Variants in SYT9 observed in about 807,000 individuals in gnomAD.
The protein encoded by SYT9 is synaptotagmin-9.
SYT9 carries 22 observed loss-of-function variants against 48.4 expected under a neutral mutation model. That is an observed-to-expected ratio of 0.45 (90% CI 0.32 to 0.65). The LOEUF is 0.65. SYT9 is among the 30% of genes least tolerant of loss of function. SYT9 has a pLI of 0.03. For synonymous variants in SYT9, 265 were observed against 245.0 expected (o/e 1.08, Z -0.76); for missense variants, 577 against 622.0 (o/e 0.93, Z 0.77).
At chr11:7,331,530 T>C (rs1849531130) in intron 3 of SYT9, among the ~76,000 whole-genome samples, 1 of 152,002 alleles carries the variant, frequency 6.6e-6, no homozygotes, top group African/African-American at 2.4e-5. Context: ...GGCAACATGG[T>C]GAAACCCCGT....
At chr11:7,459,672 G>C (rs182685020) in intron 6 of SYT9, among the ~76,000 whole-genome samples, 1 of 152,278 alleles carries the variant, frequency 6.6e-6, no homozygotes, top group African/African-American at 2.4e-5. Context: ...TAAGGTCTTT[G>C]CAGGCATGTT....
intron 3 of SYT9, among the ~76,000 whole-genome samples, chr11:7,368,338 TAA>T (rs1202797083): frequency 2.4e-5 from 3 of 123,702 alleles, no homozygotes; most frequent in Non-Finnish European, 5.1e-5. Context: ...GACATTTGGA[TAA>T]TGGGGTTTTG....
chr11:7,353,313 A>G (rs1849952845), intron 3 of SYT9, among the ~76,000 whole-genome samples: 1 of 152,060 alleles, frequency 6.6e-6, no homozygotes, highest in Non-Finnish European at 1.5e-5. Context: ...CTTTCCTGCA[A>G]TATGGGCAGC....
chr11:7,462,909 C>T (rs1848260140), intron 6 of SYT9, among the ~76,000 whole-genome samples: 2 of 152,150 alleles, frequency 1.3e-5, no homozygotes, highest in South Asian at 2.1e-4. Context: ...TTTCAATGGC[C>T]TGTCTCATAT....
chr11:7,287,314 C>G (rs1467202427), intron 1 of SYT9, among the ~76,000 whole-genome samples: 1 of 152,118 alleles, frequency 6.6e-6, no homozygotes, highest in Non-Finnish European at 1.5e-5. Flanking sequence ...GGTAACCACC[C>G]CCATGATTCA....
chr11:7,261,248 G>A (rs1848073087), intron 1 of SYT9, among the ~76,000 whole-genome samples: 1 of 152,160 alleles, frequency 6.6e-6, no homozygotes, highest in South Asian at 2.1e-4. Context: ...ATCTTAGTTT[G>A]TATCAGCTGT....
intron 1 of SYT9, among the ~76,000 whole-genome samples, chr11:7,298,258 C>T (rs1034009362): frequency 6.6e-6 from 1 of 152,044 alleles, no homozygotes; most frequent in African/African-American, 2.4e-5. Flanking sequence ...CTTGACTTTG[C>T]TTTCTATTTA....
At chr11:7,310,444 A>ATTTTT (rs34469345) in intron 2 of SYT9, among the ~76,000 whole-genome samples, 2 of 115,040 alleles carry the variant, frequency 1.7e-5, no homozygotes, top group Non-Finnish European at 1.7e-5. Flanking sequence ...CATAACTGTG[A>ATTTTT]TTTTTTTTTT....
At chr11:7,269,143 G>A (rs2133883599) in intron 1 of SYT9, among the ~76,000 whole-genome samples, 1 of 151,808 alleles carries the variant, frequency 6.6e-6, no homozygotes, top group Middle Eastern at 3.4e-3. Flanking sequence ...TGGACATTTG[G>A]CTTTTTTCCA....
At chr11:7,464,767 T>C (rs1371138760) in intron 6 of SYT9, among the ~76,000 whole-genome samples, 2 of 151,980 alleles carry the variant, frequency 1.3e-5, no homozygotes, top group African/African-American at 4.8e-5. Context: ...ACGGGCCTGA[T>C]GTAGATGGTG....
At chr11:7,316,157 A>G (rs1038102708) in intron 3 of SYT9, among the ~76,000 whole-genome samples, 3 of 151,430 alleles carry the variant, frequency 2.0e-5, no homozygotes, top group African/African-American at 4.8e-5. Flanking sequence ...TATAGTAAAT[A>G]TAATAAATGG....
intron 2 of SYT9, among the ~76,000 whole-genome samples, chr11:7,312,065 G>C (rs1414479903): frequency 6.6e-6 from 1 of 152,118 alleles, no homozygotes; most frequent in Non-Finnish European, 1.5e-5. Context: ...TATGTGACTG[G>C]GCTATGTCTG....
At position 7,325,598 on chromosome 11, in the gene SYT9, C is replaced by T. The variant is rs1290582325; in HGVS notation, c.1044+11657C>T. Among the ~76,000 whole-genome samples, 3 of 39,794 alleles carry T rather than the reference C, an allele frequency of 7.5e-5. 1 individual carries two copies. The highest frequency in any genetic ancestry group is 3.6e-4 in the African/African-American group (3 of 8,410). The allele number at this position is 39,794 out of a possible 152,430, so 26.1% of individuals were successfully genotyped here. A position where few individuals can be genotyped will look rare whatever the true frequency, so the allele number is the denominator to read the frequency against. The stretch of plus-strand genomic sequence containing the variant: ...CTTCCTCTTTTCCTAATTGAATACC[C>T]TTTATTTCCTTCTCCTGCCTGATTG... On this transcript the variant is annotated intron_variant, in intron 3 of 6. Transcript: ENST00000318881.
At chr11:7,260,098 C>T (rs1220025772) in intron 1 of SYT9, among the ~76,000 whole-genome samples, 2 of 152,020 alleles carry the variant, frequency 1.3e-5, no homozygotes, top group Non-Finnish European at 2.9e-5. Flanking sequence ...AAGTTAAATT[C>T]CAAAAACATT....
At chr11:7,289,544 G>A (rs1405945785) in intron 1 of SYT9, among the ~76,000 whole-genome samples, 1 of 152,206 alleles carries the variant, frequency 6.6e-6, no homozygotes. Flanking sequence ...TTAAAGAGAA[G>A]TGAAGATTAC....
At chr11:7,375,803 G>A (rs990801404) in intron 3 of SYT9, among the ~76,000 whole-genome samples, 7 of 152,044 alleles carry the variant, frequency 4.6e-5, no homozygotes, top group Non-Finnish European at 7.4e-5. Context: ...ATCAGCTTAA[G>A]GAGTTTTGGG....
At chr11:7,403,913 T>G (rs373644727) in intron 3 of SYT9, among the ~76,000 whole-genome samples, 23 of 152,288 alleles carry the variant, frequency 1.5e-4, no homozygotes, top group South Asian at 6.2e-4. Flanking sequence ...ATCCTCACAG[T>G]TCTTTTAGTT....
chr11:7,362,437 A>G (rs1031564893), intron 3 of SYT9, among the ~76,000 whole-genome samples: 13 of 152,066 alleles, frequency 8.5e-5, no homozygotes, highest in African/African-American at 2.9e-4. Flanking sequence ...GACCAGCCCC[A>G]GTAGTTTTCC....
At chr11:7,245,401 C>A (rs986312626) in intron 1 of SYT9, among the ~76,000 whole-genome samples, 3 of 151,880 alleles carry the variant, frequency 2.0e-5, no homozygotes, top group Admixed American at 2.0e-4. Context: ...TTTCCAAAGG[C>A]CTTTTTCTTT....
Sources: gnomAD v4.1 joint callset for allele counts (sites outside exome capture counted in the v4.1 genomes callset) on GRCh38, gnomAD v4.1.1 for gene constraint, MANE v1.5 for transcripts, NCBI Gene and HGNC (gene_info 2026-07-23, HGNC 2026-07-21) for gene names.